CAMTA1: variants seen among roughly 807,000 people sequenced by gnomAD.
The protein encoded by CAMTA1 is calmodulin binding transcription activator 1.
A neutral mutation model predicts 170.9 loss-of-function variants in CAMTA1; 27 were observed. The observed-to-expected ratio is 0.16, with a 90% CI of 0.12 to 0.22. CAMTA1 has a LOEUF of 0.22. CAMTA1 is among the 10% of genes least tolerant of loss of function. The pLI is 1.00. For synonymous variants in CAMTA1, 833 were observed against 891.5 expected (o/e 0.93, Z 1.17); for missense variants, 1,619 against 2,217.2 (o/e 0.73, Z 5.42).
chr1:7,464,936 C>A (rs2093175564), intron 5 of CAMTA1, among the ~76,000 whole-genome samples: 1 of 152,156 alleles, frequency 6.6e-6, no homozygotes, highest in Non-Finnish European at 1.5e-5. Context: ...CACAGCCACC[C>A]CGGCTCATCA....
At chr1:7,266,587 G>A (rs75710542) in intron 5 of CAMTA1, among the ~76,000 whole-genome samples, 2 of 152,226 alleles carry the variant, frequency 1.3e-5, no homozygotes, top group East Asian at 3.9e-4. Flanking sequence ...TGGGAGCGGG[G>A]AAGAAACAGA....
intron 11 of CAMTA1, among the ~76,000 whole-genome samples, chr1:7,717,312 G>A (rs1379588216): frequency 2.0e-5 from 3 of 151,988 alleles, no homozygotes; most frequent in Non-Finnish European, 2.9e-5. Context: ...ATGAACAAAT[G>A]TACTCCAAAG....
intron 4 of CAMTA1, among the ~76,000 whole-genome samples, chr1:7,189,454 A>G (rs1201951659): frequency 2.6e-5 from 4 of 152,232 alleles, no homozygotes; most frequent in Non-Finnish European, 5.9e-5. Flanking sequence ...AAACAATCCC[A>G]TCAGAAAGTA....
intron 3 of CAMTA1, among the ~76,000 whole-genome samples, chr1:7,037,919 T>A (rs1703867917): frequency 9.1e-6 from 1 of 109,722 alleles, no homozygotes; most frequent in Non-Finnish European, 1.8e-5. Flanking sequence ...TGATCTTTAT[T>A]TTTTTTTTTT....
intron 4 of CAMTA1, among the ~76,000 whole-genome samples, chr1:7,193,387 A>T (rs939740339): frequency 6.6e-6 from 1 of 151,642 alleles, no homozygotes; most frequent in African/African-American, 2.4e-5. Context: ...CTGTAGTGTC[A>T]GTTTCCAAGT....
chr1:7,143,496 G>A (rs1646004734), intron 4 of CAMTA1, among the ~76,000 whole-genome samples: 1 of 152,150 alleles, frequency 6.6e-6, no homozygotes, highest in African/African-American at 2.4e-5. Flanking sequence ...TCCCATCTCT[G>A]GGTGCAGCCT....
intron 3 of CAMTA1, among the ~76,000 whole-genome samples, chr1:6,991,068 G>A (rs113205910): frequency 3.3e-5 from 5 of 151,306 alleles, no homozygotes; most frequent in Admixed American, 6.6e-5. Context: ...GTTTGTATCA[G>A]TAGTTTTTTT....
chr1:7,277,456 GGTGT>G (rs57970990), intron 5 of CAMTA1, among the ~76,000 whole-genome samples: 119 of 135,342 alleles, frequency 8.8e-4, no homozygotes, highest in Middle Eastern at 3.9e-3. Context: ...TCCAAGCAAT[GGTGT>G]GTGTGTGTGT....
At chr1:6,824,987 G>C (rs1570511445) in intron 2 of CAMTA1, 105 bp from the exon 3 acceptor site, 2 of 606,532 alleles carry the variant, frequency 3.3e-6, no homozygotes, top group East Asian at 5.8e-5. Context: ...GATGCTCTTG[G>C]TCTCACATTG....
intron 5 of CAMTA1, among the ~76,000 whole-genome samples, chr1:7,356,504 G>A (rs555578779): frequency 6.6e-6 from 1 of 152,336 alleles, no homozygotes; most frequent in East Asian, 1.9e-4. Flanking sequence ...TCCTGGAGAT[G>A]CAGGTGGAGC....
At chr1:7,461,950 T>C (rs1023451186) in intron 5 of CAMTA1, among the ~76,000 whole-genome samples, 4 of 152,266 alleles carry the variant, frequency 2.6e-5, no homozygotes, top group Non-Finnish European at 5.9e-5. Context: ...TCCCCTTCCC[T>C]GCCCTGCCTA....
chr1:7,173,339 C>T lies in CAMTA1; in HGVS notation c.303-76152C>T, dbSNP rs1219934151. 1.3e-5 allele frequency among the ~76,000 whole-genome samples: 2 copies of T among 152,128 alleles called. No homozygotes were observed. The highest frequency in any genetic ancestry group is 1.5e-5 in the Non-Finnish European group (1 of 68,028). ...GGGCCTGGCCGTGACTGAGGCTCCA[C>T]GAACGCTGGCTCCCTTCTTAAATTT... On this transcript the variant is annotated intron_variant, in intron 4 of 22. Transcript: ENST00000303635. This position sits in a 1 kb window ranked among gnomAD's most constrained non-coding sequence, Gnocchi z 5.4.
At chr1:7,651,587 A>G (rs183484369) in intron 7 of CAMTA1, among the ~76,000 whole-genome samples, 1 of 152,348 alleles carries the variant, frequency 6.6e-6, no homozygotes, top group African/African-American at 2.4e-5. Flanking sequence ...AGGACTGCGG[A>G]GCAGAGAGCT....
At chr1:6,938,734 C>G (rs1685891744) in intron 3 of CAMTA1, among the ~76,000 whole-genome samples, 1 of 152,144 alleles carries the variant, frequency 6.6e-6, no homozygotes, top group African/African-American at 2.4e-5. Flanking sequence ...GTTTTTCTGG[C>G]CTTTCATGAT....
intron 4 of CAMTA1, among the ~76,000 whole-genome samples, chr1:7,197,246 C>T (rs541408606): frequency 6.6e-6 from 1 of 152,172 alleles, no homozygotes; most frequent in Non-Finnish European, 1.5e-5. Context: ...GATGGAAGGA[C>T]CAGCAGCCAG....
At chr1:7,198,021 G>A (rs556277178) in intron 4 of CAMTA1, among the ~76,000 whole-genome samples, 5 of 152,040 alleles carry the variant, frequency 3.3e-5, no homozygotes, top group East Asian at 1.9e-4. Context: ...CACAGGGTTC[G>A]GGAGACATCT....
intron 11 of CAMTA1, among the ~76,000 whole-genome samples, chr1:7,725,104 G>A (rs899248513): frequency 2.0e-5 from 3 of 152,194 alleles, no homozygotes; most frequent in African/African-American, 7.2e-5. Flanking sequence ...TGAATCAGGA[G>A]CCGGACGGTT....
intron 4 of CAMTA1, among the ~76,000 whole-genome samples, chr1:7,103,989 T>TACACACATGAACACA: frequency 6.9e-6 from 1 of 144,646 alleles, no homozygotes; most frequent in South Asian, 2.2e-4. Flanking sequence ...AACACACAAG[T>TACACACATGAACACA]ACACACATGA....
intron 5 of CAMTA1, among the ~76,000 whole-genome samples, chr1:7,406,550 A>G (rs1195337761): frequency 6.6e-6 from 1 of 152,130 alleles, no homozygotes; most frequent in East Asian, 1.9e-4. Flanking sequence ...TCACATGTCC[A>G]TGCAGGTGTA....
Sources: allele counts gnomAD v4.1 joint callset (sites outside exome capture counted in the v4.1 genomes callset), GRCh38; gene constraint gnomAD v4.1.1; non-coding constraint Gnocchi (gnomAD v3.1); transcripts MANE v1.5; gene names NCBI Gene and HGNC (gene_info 2026-07-23, HGNC 2026-07-21).